Variants in MEGF8 observed in about 807,000 individuals in gnomAD.
MEGF8 encodes the protein multiple epidermal growth factor-like domains protein 8.
Under a neutral mutation model 302.9 loss-of-function variants are expected in MEGF8, and 156 were observed. The observed-to-expected ratio is 0.52, with a 90% CI of 0.45 to 0.59. The LOEUF (loss-of-function observed/expected upper bound fraction) is 0.59, where lower values mean the gene tolerates loss of function less well. Ranked by LOEUF, MEGF8 falls within the 20% of genes least tolerant of loss-of-function variation. MEGF8 has a pLI of 0.00. For synonymous variants in MEGF8, 1,621 were observed against 1,660.5 expected (o/e 0.98, Z 0.58); for missense variants, 3,345 against 3,964.5 (o/e 0.84, Z 4.20).
rs755317091 is a variant in MEGF8 at position 42,354,702 on chromosome 19, A to G, written c.4126A>G (p.Thr1376Ala). 7 of 1,607,414 alleles carry G rather than the reference A, an allele frequency of 4.4e-6. No individual in the cohort carries two copies. The highest frequency in any genetic ancestry group is 5.9e-6 in the Non-Finnish European group (7 of 1,179,432). ...CGGCCAGCGACGGGACAGGCCCCTC[A>G]CTGTTCAGGCCCTGTCTGGTACGGG... is the stretch of plus-strand genomic sequence containing the variant. Reference protein sequence around the residue: ...FCGQRRDRPLTVQALSGLLVL... With the variant: ...FCGQRRDRPLAVQALSGLLVL... The change falls in exon 23 of 42, where the codon ACT (threonine) becomes GCT (alanine). Residue 1376 changes from threonine to alanine, a missense_variant. Physicochemically the swap from Thr to Ala is moderately conservative, Grantham distance 58. Transcript: ENST00000251268. The surrounding 1 kb of genome is among the most constrained non-coding windows in gnomAD (Gnocchi z 4.3).
intron 15 of MEGF8, 21 bp downstream of exon 15, chr19:42,350,405 G>A: frequency 6.7e-7 from 1 of 1,487,782 alleles, no homozygotes; most frequent in Non-Finnish European, 8.9e-7. Flanking sequence ...GGCCACCAGG[G>A]GAGGTCACAA....
At chr19:42,343,927 C>T (rs1291755546) in intron 9 of MEGF8, 27 bp from the exon 10 acceptor site, 1 of 1,606,346 alleles carries the variant, frequency 6.2e-7, no homozygotes, top group African/African-American at 1.3e-5. Flanking sequence ...CCCTTGCCTC[C>T]CCCTCTGTCC....
Position 42,336,866 on chromosome 19 carries a change from C to A in MEGF8, c.1304C>A (p.Thr435Lys). 6.2e-7 allele frequency: 1 copy of A among 1,612,798 alleles called. No individual in the cohort carries two copies. The highest frequency in any genetic ancestry group is 8.5e-7 in the Non-Finnish European group (1 of 1,179,440). Residue 435 changes from threonine to lysine, a missense_variant, in exon 7 of 42, where the codon ACG becomes AAG. Coordinates refer to ENST00000251268, the MANE Select transcript of MEGF8 (RefSeq NM_001271938.2). The surrounding 1 kb of genome is among the most constrained non-coding windows in gnomAD (Gnocchi z 4.8). ...CACGTGGATCGGCATGTGTGGACGA[C>A]GCTGAAGGGGCGGGATGGGCTTCAG... ...LFHVDRHVWT[T>K]LKGRDGLQGP...
At chr19:42,346,901 C>T (rs1240527581) in intron 12 of MEGF8, among the ~76,000 whole-genome samples, 4 of 144,000 alleles carry the variant, frequency 2.8e-5, no homozygotes, top group Non-Finnish European at 6.0e-5. Context: ...AGGAGAATGG[C>T]GTGAACCCGA....
In MEGF8 at chr19:42,370,252, CG is replaced by C; in HGVS notation, c.6900del (p.Cys2302AlafsTer39). On this transcript the variant is annotated frameshift_variant, in exon 39 of 42. Coordinates refer to ENST00000251268, the MANE Select transcript of MEGF8 (RefSeq NM_001271938.2). LOFTEE classifies it high-confidence loss of function. ...TTCAGCTGTCGGAGGCGGGACCTGCCGGCCCTGCCACGCCTTTTGTCGTGGA... is the reference window on the plus strand; with the variant it reads ...TTCAGCTGTCGGAGGCGGGACCTGCCGCCCTGCCACGCCTTTTGTCGTGGA... ...VGSAVGGGTCRPCHAFCRGNS... is the reference protein window; with the variant it reads ...VGSAVGGGTCXPCHAFCRGNS... The C allele has an allele frequency of 6.2e-7, 1 of 1,613,714 alleles. No homozygotes were observed.
At chr19:42,366,152 C>A (rs894898107) in intron 35 of MEGF8, among the ~76,000 whole-genome samples, 1 of 152,176 alleles carries the variant, frequency 6.6e-6, no homozygotes, top group Non-Finnish European at 1.5e-5. Flanking sequence ...CAGGTGATAC[C>A]TGTTATGATT....
intron 41 of MEGF8, among the ~76,000 whole-genome samples, chr19:42,374,340 GGA>G (rs1568578910): frequency 6.6e-6 from 1 of 151,770 alleles, no homozygotes; most frequent in East Asian, 1.9e-4. Flanking sequence ...GTGTGGTGGC[GGA>G]CACCTGTAAT....
intron 41 of MEGF8, among the ~76,000 whole-genome samples, chr19:42,371,873 G>A (rs1165877834): frequency 6.6e-6 from 1 of 152,152 alleles, no homozygotes; most frequent in South Asian, 2.1e-4. Context: ...ACTTGAGCCC[G>A]GGGGTTCAAG....
In MEGF8 at chr19:42,354,059, AGC is replaced by A; in HGVS notation, c.4011+36_4011+37del. 1 of 1,565,598 alleles carries A rather than the reference AGC, an allele frequency of 6.4e-7. No homozygotes were observed. Among genetic ancestry groups the A allele is most frequent in the Non-Finnish European group, 8.6e-7 (1 of 1,157,454 alleles). On this transcript the variant is annotated intron_variant, in intron 22 of 41. Transcript: ENST00000251268. The surrounding 1 kb of genome is among the most constrained non-coding windows in gnomAD (Gnocchi z 4.3). ...GAGGAAACGAGGGTTCAGGCGCATG[AGC>A]CAGAACCGTGTCCCCTGACCCAGCC...
intron 35 of MEGF8, among the ~76,000 whole-genome samples, chr19:42,365,850 G>C (rs1219230674): frequency 6.6e-6 from 1 of 151,336 alleles, no homozygotes; most frequent in African/African-American, 2.4e-5. Context: ...TTGGGAGGCT[G>C]AGGTGGGTGG....
Position 42,376,169 on chromosome 19 carries a change from C to T in MEGF8, c.7932C>T (p.Ala2644=), listed in dbSNP as rs2039767298. The change falls in exon 42 of 42, where the codon GCC becomes GCT. Residue 2644 remains alanine (A), a synonymous_variant. Coordinates refer to ENST00000251268, the MANE Select transcript of MEGF8 (RefSeq NM_001271938.2). This position sits in a 1 kb window ranked among gnomAD's most constrained non-coding sequence, Gnocchi z 8.2. ...TGCTCTTCTTCCGGCAGGACCAGGC[C>T]CACATTGACCTGTTTGTCTTCTTCT... ...QGLLFFRQDQ[A]HIDLFVFFSV... 2 of 1,611,190 alleles carry T rather than the reference C, an allele frequency of 1.2e-6. No individual in the cohort carries two copies. Among genetic ancestry groups the T allele is most frequent in the African/African-American group, 2.7e-5 (2 of 75,016 alleles).
chr19:42,368,509 C>T lies in MEGF8; in HGVS notation c.6328C>T (p.Leu2110=). ...LRCMAGGCGR[L]LRGPESCSLG... is the part of the protein sequence containing the mutation. ...ATGTATGGCCGGAGGCTGTGGGCGG[C>T]TGCTCCGGGGACCTGAGAGCTGCTC... The change falls in exon 36 of 42, where the codon CTG becomes TTG. Residue 2110 remains leucine (L), a synonymous_variant. Transcript: ENST00000251268. This position sits in a 1 kb window ranked among gnomAD's most constrained non-coding sequence, Gnocchi z 4.9. The T allele has an allele frequency of 6.2e-7, 1 of 1,609,382 alleles. No homozygotes were observed. The highest frequency in any genetic ancestry group is 1.1e-5 in the South Asian group (1 of 90,116).
At chr19:42,370,495 T>C in intron 39 of MEGF8, 136 bp downstream of exon 39, 1 of 933,440 alleles carries the variant, frequency 1.1e-6, no homozygotes. Flanking sequence ...TTCCTGGGTC[T>C]GAGAGAGTAG....
Position 42,357,778 on chromosome 19 carries a change from G to A in MEGF8, c.5011+194G>A, listed in dbSNP as rs1357418970. Among the ~76,000 whole-genome samples, 2 of 152,028 alleles carry A rather than the reference G, an allele frequency of 1.3e-5. No homozygotes were observed. Among genetic ancestry groups the A allele is most frequent in the Non-Finnish European group, 2.9e-5 (2 of 67,990 alleles). On this transcript the variant is annotated intron_variant, in intron 28 of 41. Coordinates refer to ENST00000251268, the MANE Select transcript of MEGF8 (RefSeq NM_001271938.2). The surrounding 1 kb of genome is among the most constrained non-coding windows in gnomAD (Gnocchi z 5.2). The stretch of plus-strand genomic sequence containing the variant: ...TCCTTCCCAGACTCCACAACTAACT[G>A]CCCACTCCCGGCCACATGTGGCCAC...
At chr19:42,333,889 G>T in intron 2 of MEGF8, 118 bp from the exon 3 acceptor site, 1 of 1,519,730 alleles carries the variant, frequency 6.6e-7, no homozygotes, top group Admixed American at 1.9e-5. Flanking sequence ...GTGGAGAGAG[G>T]CAAAGGAAGG....
rs370225382 is a variant in MEGF8, at chr19:42,369,641, C to T, written c.6752C>T (p.Thr2251Met). 34 of 1,612,400 alleles carry T rather than the reference C, an allele frequency of 2.1e-5. No homozygotes were observed. The African/African-American group carries it at 2.1e-4, about 10-fold the overall frequency. The change falls in exon 38 of 42, where the codon ACG (threonine) becomes ATG (methionine). Residue 2251 changes from threonine (T) to methionine (M), a missense_variant. Thr to Met is a moderately conservative substitution (Grantham distance 81). Coordinates refer to ENST00000251268, the MANE Select transcript of MEGF8 (RefSeq NM_001271938.2). The surrounding 1 kb of genome is among the most constrained non-coding windows in gnomAD (Gnocchi z 5.7). ...HFGFVGRNCSTECRCNRHSEC... is the reference protein window; with the variant it reads ...HFGFVGRNCSMECRCNRHSEC... The stretch of plus-strand genomic sequence containing the variant: ...GGCTTTGTGGGCCGCAACTGCTCCA[C>T]GGAATGCCGCTGCAACCGCCACAGT...
chr19:42,359,358 G>A (rs549162981), intron 31 of MEGF8, 116 bp downstream of exon 31: 330 of 920,270 alleles, frequency 3.6e-4, no homozygotes, highest in Non-Finnish European at 1.7e-4. Flanking sequence ...CACTGGCAGA[G>A]CTCCCGCTCT....
At chr19:42,372,787 C>G (rs145490169) in intron 41 of MEGF8, among the ~76,000 whole-genome samples, 472 of 152,098 alleles carry the variant, frequency 3.1e-3, no homozygotes, top group Non-Finnish European at 3.9e-3. Context: ...ATTATCCTGC[C>G]TCAGCTTCCT....
chr19:42,377,038 T>G lies in MEGF8; in HGVS notation c.*263T>G. 2.4e-6 allele frequency: 1 copy of G among 424,920 alleles called. No individual in the cohort carries two copies. The highest frequency in any genetic ancestry group is 4.1e-6 in the Non-Finnish European group (1 of 242,554). The allele number at this position is 424,920 out of a possible 1,614,324, so 26.3% of individuals were successfully genotyped here. Reference sequence around the variant, plus strand: ...CCCTGATCTCATGGGACTTAGGTTCTGGTGAAGGGAGACAATCAGTGCACA... The same window carrying G: ...CCCTGATCTCATGGGACTTAGGTTCGGGTGAAGGGAGACAATCAGTGCACA... On this transcript the variant is annotated 3_prime_UTR_variant, in exon 42 of 42. Transcript: ENST00000251268.
Sources: gnomAD v4.1 joint callset for allele counts (sites outside exome capture counted in the v4.1 genomes callset) on GRCh38, gnomAD v4.1.1 for gene constraint, Gnocchi (gnomAD v3.1) non-coding constraint, MANE v1.5 for transcripts, NCBI Gene and HGNC (gene_info 2026-07-23, HGNC 2026-07-21) for gene names.